Variants in CSMD1 observed in about 807,000 individuals in gnomAD.
CSMD1 encodes CUB and Sushi multiple domains 1.
Under a neutral mutation model 417.5 loss-of-function variants are expected in CSMD1, and 213 were observed. That is an observed-to-expected ratio of 0.51 (90% confidence interval 0.46 to 0.57). CSMD1 has a LOEUF of 0.57. Ranked by LOEUF, CSMD1 falls within the 20% of genes least tolerant of loss-of-function variation. The pLI is 0.00. For missense variants in CSMD1, 6,923 were observed against 4,529.7 expected, an observed-to-expected ratio of 1.53 and a Z score of -15.17; for synonymous variants, 2,862 against 1,736.8, an observed-to-expected ratio of 1.65 and a Z score of -16.11.
intron 6 of CSMD1, among the ~76,000 whole-genome samples, chr8:3,723,469 G>A (rs559417481): frequency 2.0e-5 from 3 of 152,082 alleles, no homozygotes; most frequent in Non-Finnish European, 4.4e-5. Context: ...AACTACCTTA[G>A]GATCCTGTGT....
At chr8:3,208,351 C>G (rs1291483585) in intron 30 of CSMD1, among the ~76,000 whole-genome samples, 4 of 152,160 alleles carry the variant, frequency 2.6e-5, no homozygotes, top group Non-Finnish European at 4.4e-5. Flanking sequence ...ACTGCAACCT[C>G]TGCCCCCCAG....
intron 1 of CSMD1, among the ~76,000 whole-genome samples, chr8:4,731,798 G>T (rs1489929468): frequency 1.3e-5 from 2 of 152,108 alleles, no homozygotes; most frequent in Non-Finnish European, 2.9e-5. Flanking sequence ...TATTTATTTA[G>T]GGTTGGGCGA....
chr8:4,857,012 G>C (rs1006600695), intron 1 of CSMD1, among the ~76,000 whole-genome samples: 9 of 148,654 alleles, frequency 6.1e-5, no homozygotes, highest in Non-Finnish European at 1.4e-4. Flanking sequence ...CCACATACTG[G>C]GAAGTAAAGC....
intron 10 of CSMD1, among the ~76,000 whole-genome samples, chr8:3,534,901 C>T (rs759031469): frequency 6.6e-6 from 1 of 152,100 alleles, no homozygotes; most frequent in Non-Finnish European, 1.5e-5. Context: ...ATGGTTTAGT[C>T]CAGAATTCAA....
At position 3,110,188 on chromosome 8, in the gene CSMD1, G is replaced by C; in HGVS notation, c.6578C>G (p.Thr2193Arg). 1 of 1,611,428 alleles carries C rather than the reference G, an allele frequency of 6.2e-7. No individual in the cohort carries two copies. The highest frequency in any genetic ancestry group is 2.2e-5 in the East Asian group (1 of 44,848). ...AGCAATGTAATCGTTGACAGCTTCC[G>C]TCTGTAACAGGGTGAAGTTGATGTA... Reference protein sequence around the residue: ...GVYINFTLLQTEAVNDYIAVW... With the variant: ...GVYINFTLLQREAVNDYIAVW... Residue 2193 changes from threonine (T) to arginine (R), a missense_variant, in exon 43 of 70, where the codon ACG becomes AGG. Transcript: ENST00000635120.
intron 3 of CSMD1, among the ~76,000 whole-genome samples, chr8:4,187,566 C>T (rs1164785697): frequency 2.0e-5 from 3 of 149,838 alleles, no homozygotes; most frequent in Admixed American, 1.4e-4. Flanking sequence ...ATCGCCTGAA[C>T]CCAGGAGGCT....
chr8:4,172,689 C>T (rs1797833686), intron 3 of CSMD1, among the ~76,000 whole-genome samples: 1 of 152,138 alleles, frequency 6.6e-6, no homozygotes, highest in Non-Finnish European at 1.5e-5. Flanking sequence ...CACACATATT[C>T]ATTAGAATAT....
At chr8:3,210,057 A>T (rs529731577) in intron 30 of CSMD1, among the ~76,000 whole-genome samples, 52 of 152,338 alleles carry the variant, frequency 3.4e-4, no homozygotes, top group African/African-American at 1.2e-3. Context: ...CATCTAAAAC[A>T]AACTGCCCCA....
chr8:3,622,193 T>C (rs1394209060), intron 7 of CSMD1, among the ~76,000 whole-genome samples: 1 of 152,236 alleles, frequency 6.6e-6, no homozygotes, highest in African/African-American at 2.4e-5. Flanking sequence ...AATTTCAAAA[T>C]GTAATGCAGA....
intron 18 of CSMD1, among the ~76,000 whole-genome samples, chr8:3,386,201 C>G (rs1187086889): frequency 1.3e-5 from 2 of 152,160 alleles, no homozygotes; most frequent in East Asian, 1.9e-4. Flanking sequence ...AAAAGGAACC[C>G]TTTTGCATCT....
At chr8:3,804,767 T>C (rs1800636927) in intron 5 of CSMD1, among the ~76,000 whole-genome samples, 1 of 152,220 alleles carries the variant, frequency 6.6e-6, no homozygotes, top group Non-Finnish European at 1.5e-5. Flanking sequence ...AATTTTACAG[T>C]AGCTGAGAAA....
intron 7 of CSMD1, among the ~76,000 whole-genome samples, chr8:3,629,526 A>G (rs1796670168): frequency 6.6e-6 from 1 of 152,240 alleles, no homozygotes; most frequent in Non-Finnish European, 1.5e-5. Flanking sequence ...TACAGCAAAT[A>G]TCAGCTCCTC....
At chr8:4,198,980 C>T (rs995795635) in intron 3 of CSMD1, among the ~76,000 whole-genome samples, 1 of 151,936 alleles carries the variant, frequency 6.6e-6, no homozygotes, top group African/African-American at 2.4e-5. Context: ...TTGCTCATTT[C>T]CTCCTGTAAT....
intron 23 of CSMD1, among the ~76,000 whole-genome samples, chr8:3,339,307 C>G (rs866387045): frequency 6.6e-6 from 1 of 152,048 alleles, no homozygotes; most frequent in Non-Finnish European, 1.5e-5. Context: ...CACTTCAAGC[C>G]TCTGTTTGCA....
At chr8:4,314,526 T>G (rs1798811778) in intron 3 of CSMD1, among the ~76,000 whole-genome samples, 1 of 152,132 alleles carries the variant, frequency 6.6e-6, no homozygotes, top group African/African-American at 2.4e-5. Context: ...CCTTGGGATT[T>G]CTCCCGAAAT....
At chr8:4,014,571 A>C (rs530281815) in intron 4 of CSMD1, among the ~76,000 whole-genome samples, 1 of 152,202 alleles carries the variant, frequency 6.6e-6, no homozygotes, top group Admixed American at 6.5e-5. Flanking sequence ...CACCTGGATC[A>C]TCTCATCTAA....
chr8:3,930,193 T>C (rs1024196333), intron 5 of CSMD1, among the ~76,000 whole-genome samples: 4 of 150,292 alleles, frequency 2.7e-5, no homozygotes, highest in African/African-American at 9.8e-5. Context: ...GCCGTATCTA[T>C]TAGATGATGA....
intron 33 of CSMD1, among the ~76,000 whole-genome samples, chr8:3,191,461 G>T (rs998984545): frequency 1.3e-5 from 2 of 151,980 alleles, no homozygotes; most frequent in African/African-American, 4.8e-5. Context: ...AATAAATAAA[G>T]TAAAAAATGA....
At chr8:3,350,126 T>A (rs1173222835) in intron 21 of CSMD1, among the ~76,000 whole-genome samples, 2 of 114,330 alleles carry the variant, frequency 1.7e-5, no homozygotes, top group African/African-American at 6.7e-5. Context: ...TGTGTTACAA[T>A]ACCTATAATA....
Sources: allele counts gnomAD v4.1 joint callset (sites outside exome capture counted in the v4.1 genomes callset), GRCh38; gene constraint gnomAD v4.1.1; transcripts MANE v1.5; gene names NCBI Gene and HGNC (gene_info 2026-07-23, HGNC 2026-07-21).